The following PDE8A variants were observed in gnomAD, a reference collection of about 807,000 sequenced individuals.
PDE8A encodes the protein high affinity cAMP-specific and IBMX-insensitive 3',5'-cyclic phosphodiesterase 8A.
A neutral mutation model predicts 105.0 loss-of-function variants in PDE8A; 59 were observed. The observed-to-expected ratio is 0.56, with a 90% confidence interval of 0.46 to 0.70. The LOEUF is 0.70. PDE8A is among the 30% of genes least tolerant of loss of function. The pLI is 0.00. For synonymous variants in PDE8A, 355 were observed against 371.9 expected, an observed-to-expected ratio of 0.95 and a Z score of 0.52; for missense variants, 1,014 against 1,045.9, an observed-to-expected ratio of 0.97 and a Z score of 0.42.
At chr15:85,110,676 T>C (rs2082008782) in intron 12 of PDE8A, among the ~76,000 whole-genome samples, 1 of 152,248 alleles carries the variant, frequency 6.6e-6, no homozygotes, top group Non-Finnish European at 1.5e-5. Context: ...CCACAATTTG[T>C]GTGCACATCT....
intron 20 of PDE8A, 150 bp from the exon 21 acceptor site, chr15:85,136,384 C>A (rs1307438512): frequency 5.5e-6 from 4 of 721,704 alleles, no homozygotes; most frequent in Non-Finnish European, 9.3e-6. Flanking sequence ...TGTTATGAGA[C>A]ATGGTTTGGC....
intron 6 of PDE8A, among the ~76,000 whole-genome samples, chr15:85,086,558 C>G (rs79347010): frequency 0.19 from 28,517 of 151,822 alleles, 3,288 homozygotes; most frequent in East Asian, 0.38. Flanking sequence ...ATATTAATGG[C>G]CAATAAATGT....
intron 1 of PDE8A, among the ~76,000 whole-genome samples, chr15:84,988,060 G>A (rs778190739): frequency 6.6e-6 from 1 of 152,174 alleles, no homozygotes; most frequent in Non-Finnish European, 1.5e-5. Flanking sequence ...TGCCCTCTGT[G>A]TTGCAAGCAC....
At chr15:84,982,500 C>T (rs764538231) in intron 1 of PDE8A, 152 bp downstream of exon 1, 68 of 470,338 alleles carry the variant, frequency 1.4e-4, no homozygotes, top group Non-Finnish European at 2.1e-4. Flanking sequence ...AGTCTCCCGC[C>T]TTGCCGGGGC....
At chr15:85,114,172 C>A in intron 14 of PDE8A, 135 bp downstream of exon 14, 3 of 719,378 alleles carry the variant, frequency 4.2e-6, no homozygotes, top group African/African-American at 3.6e-5. Flanking sequence ...AACTCTCCTC[C>A]ATTGCCTGGG....
chr15:85,040,551 T>C (rs1053247301), intron 1 of PDE8A, among the ~76,000 whole-genome samples: 1 of 146,530 alleles, frequency 6.8e-6, no homozygotes, highest in Non-Finnish European at 1.5e-5. Flanking sequence ...TATATTGTTA[T>C]GTGCTTATGT....
intron 1 of PDE8A, among the ~76,000 whole-genome samples, chr15:85,046,053 T>C (rs1171694288): frequency 6.9e-6 from 1 of 144,608 alleles, no homozygotes; most frequent in Non-Finnish European, 1.5e-5. Context: ...CGTAAGATTC[T>C]TCTTTCTGTT....
At chr15:85,029,560 A>C (rs1389328593) in intron 1 of PDE8A, among the ~76,000 whole-genome samples, 1 of 152,006 alleles carries the variant, frequency 6.6e-6, no homozygotes, top group African/African-American at 2.4e-5. Flanking sequence ...TCCCAAATAT[A>C]CATTTTACTT....
At chr15:85,052,649 T>C (rs2080995521) in intron 1 of PDE8A, among the ~76,000 whole-genome samples, 1 of 152,228 alleles carries the variant, frequency 6.6e-6, no homozygotes, top group Admixed American at 6.5e-5. Context: ...TCATATCCTT[T>C]GCCCACTTGT....
At chr15:85,126,864 C>T (rs950165507) in intron 20 of PDE8A, among the ~76,000 whole-genome samples, 6 of 152,160 alleles carry the variant, frequency 3.9e-5, no homozygotes, top group Admixed American at 1.3e-4. Flanking sequence ...AAAAGCGACA[C>T]ATTACTTATA....
chr15:85,110,638 C>T (rs1344123233), intron 12 of PDE8A, among the ~76,000 whole-genome samples: 1 of 152,178 alleles, frequency 6.6e-6, no homozygotes, highest in Non-Finnish European at 1.5e-5. Flanking sequence ...TTCCTTATTG[C>T]TCAGTAGTAT....
intron 1 of PDE8A, among the ~76,000 whole-genome samples, chr15:85,011,828 A>G (rs1372012384): frequency 6.6e-6 from 1 of 152,202 alleles, no homozygotes; most frequent in Admixed American, 6.5e-5. Flanking sequence ...AGAATCTACA[A>G]TGAACTCAAA....
At chr15:85,083,479 G>A (rs745652166) in intron 5 of PDE8A, 77 bp from the exon 6 acceptor site, 3 of 831,860 alleles carry the variant, frequency 3.6e-6, no homozygotes, top group Non-Finnish European at 6.1e-6. Flanking sequence ...TGAGAAGTTT[G>A]TTTAAAGAGT....
chr15:85,019,428 T>G (rs2080382682), intron 1 of PDE8A, among the ~76,000 whole-genome samples: 1 of 152,202 alleles, frequency 6.6e-6, no homozygotes, highest in South Asian at 2.1e-4. Context: ...TTTTAAAATT[T>G]TATTTTAAAG....
rs973803426 is a variant in PDE8A, at chr15:85,138,782, T to A, written c.*879T>A. 1.1e-4 allele frequency: 17 copies of A among 152,184 alleles called. 1 individual carries two copies. Among genetic ancestry groups the A allele is most frequent in the Admixed American group, 1.1e-3 (17 of 15,274 alleles). The allele number at this position is 152,184 out of a possible 1,614,324, so 9.4% of individuals were successfully genotyped here. ...GTAACTCCCCAAGGTAAAACTAGACTCTCTTGTTGGTTCGCAAAGAAAAGT... is the reference window on the plus strand; with the variant it reads ...GTAACTCCCCAAGGTAAAACTAGACACTCTTGTTGGTTCGCAAAGAAAAGT... On this transcript the variant is annotated 3_prime_UTR_variant, in exon 22 of 22. Coordinates refer to ENST00000394553, the MANE Select transcript of PDE8A (RefSeq NM_002605.3).
intron 1 of PDE8A, among the ~76,000 whole-genome samples, chr15:85,006,584 T>G (rs1461233397): frequency 6.6e-6 from 1 of 152,266 alleles, no homozygotes; most frequent in East Asian, 1.9e-4. Flanking sequence ...TTGTAATTTT[T>G]TTTATATTGT....
chr15:85,137,587 G>A (rs1396427237), intron 21 of PDE8A, among the ~76,000 whole-genome samples: 1 of 152,216 alleles, frequency 6.6e-6, no homozygotes, highest in African/African-American at 2.4e-5. Context: ...CAGCTCAGCA[G>A]GTGGTCACAG....
chr15:85,100,367 A>C, intron 11 of PDE8A, 169 bp downstream of exon 11: 2 of 627,360 alleles, frequency 3.2e-6, no homozygotes, highest in Non-Finnish European at 5.5e-6. Context: ...TGTACAGAGG[A>C]CTTGAGCGCT....
chr15:85,054,754 A>C (rs2081033342), intron 1 of PDE8A, among the ~76,000 whole-genome samples: 1 of 152,178 alleles, frequency 6.6e-6, no homozygotes, highest in South Asian at 2.1e-4. Flanking sequence ...ATCTTTTCAA[A>C]CAACCAGCTC....
Sources: gnomAD v4.1 joint callset for allele counts (sites outside exome capture counted in the v4.1 genomes callset) on GRCh38, gnomAD v4.1.1 for gene constraint, MANE v1.5 for transcripts, NCBI Gene and HGNC (gene_info 2026-07-23, HGNC 2026-07-21) for gene names.